CD48: variants seen among roughly 807,000 people sequenced by gnomAD.
The protein encoded by CD48 is CD48 molecule.
CD48 carries 20 observed loss-of-function variants against 22.0 expected under a neutral mutation model. The observed-to-expected ratio is 0.91, with a 90% CI of 0.64 to 1.32. CD48 has a LOEUF of 1.32. Ranked by LOEUF, CD48 falls within the 40% of genes most tolerant of loss-of-function variation. CD48 has a pLI of 0.00. For missense variants in CD48, 307 were observed against 286.5 expected (o/e 1.07, Z -0.52); for synonymous variants, 110 against 110.1 (o/e 1.00, Z 0.01).
chr1:160,709,674 G>C (rs352682), intron 1 of CD48, among the ~76,000 whole-genome samples: 151,860 of 152,332 alleles, frequency 1, 75,695 homozygotes, highest in Middle Eastern at 1. Context: ...GCTTCTCAAA[G>C]TTTTCCACAG....
chr1:160,698,906 A>T (rs1389125830), intron 1 of CD48: 2 of 152,616 alleles, frequency 1.3e-5, no homozygotes, highest in Admixed American at 6.6e-5. Flanking sequence ...AAGTACTATG[A>T]TTATAAATCT....
chr1:160,692,279 A>G (rs1409255783), intron 1 of CD48: 1 of 152,218 alleles, frequency 6.6e-6, no homozygotes, highest in Non-Finnish European at 1.5e-5. Context: ...GAAACTTTAC[A>G]TTGCGAATAT....
intron 1 of CD48, among the ~76,000 whole-genome samples, chr1:160,704,016 T>A (rs1662715985): frequency 1.3e-5 from 2 of 149,534 alleles, no homozygotes; most frequent in African/African-American, 2.5e-5. Flanking sequence ...TCTTGTCCTG[T>A]AAAAAAAAAA....
chr1:160,681,500 C>A, intron 2 of CD48, 32 bp from the exon 3 acceptor site: 1 of 1,604,710 alleles, frequency 6.2e-7, no homozygotes. Flanking sequence ...TAAGATGAGA[C>A]AGTGAGGCAT....
At chr1:160,684,363 T>G in intron 2 of CD48, 1 of 172,646 alleles carries the variant, frequency 5.8e-6, no homozygotes, top group East Asian at 1.6e-4. Flanking sequence ...CTGACCAGTT[T>G]TGAACCCAAG....
chr1:160,681,144 T>C, intron 3 of CD48, 58 bp downstream of exon 3: 1 of 1,613,446 alleles, frequency 6.2e-7, no homozygotes, highest in Non-Finnish European at 8.5e-7. Context: ...AGCCTTTCTT[T>C]GTTCAAAACA....
chr1:160,705,467 A>T (rs6677491), intron 1 of CD48, among the ~76,000 whole-genome samples: 5,331 of 152,160 alleles, frequency 0.035, 130 homozygotes, highest in African/African-American at 0.071. Context: ...GATGTTAGAG[A>T]AGACAGAGGC....
At chr1:160,681,835 T>C (rs1463147517) in intron 2 of CD48, among the ~76,000 whole-genome samples, 1 of 152,184 alleles carries the variant, frequency 6.6e-6, no homozygotes, top group Non-Finnish European at 1.5e-5. Context: ...GACCCTTCTC[T>C]AGCAACGGTT....
chr1:160,678,937 A>T lies in CD48; in HGVS notation c.*115T>A, dbSNP rs1214593421. ...GTTAACTTGAAAATCCTCGTTGATAATTCAGCAGCATGCTTCTGGTCAGCC... is the reference window on the plus strand; with the variant it reads ...GTTAACTTGAAAATCCTCGTTGATATTTCAGCAGCATGCTTCTGGTCAGCC... On this transcript the variant is annotated 3_prime_UTR_variant, in exon 4 of 4. Coordinates refer to ENST00000368046, the MANE Select transcript of CD48 (RefSeq NM_001778.4). 1.4e-5 allele frequency: 10 copies of T among 725,384 alleles called. No homozygotes were observed. In the East Asian group the frequency reaches 2.5e-4, roughly 18 times the overall value. The allele number at this position is 725,384 out of a possible 1,614,324, so 44.9% of individuals were successfully genotyped here.
At chr1:160,684,806 C>T (rs1484327419) in intron 2 of CD48, 81 bp downstream of exon 2, 7 of 1,613,834 alleles carry the variant, frequency 4.3e-6, no homozygotes, top group Admixed American at 3.3e-5. Flanking sequence ...CCGAGAGTGC[C>T]CCATGCCTCC....
chr1:160,710,984 A>G (rs2101631933), intron 1 of CD48, among the ~76,000 whole-genome samples: 1 of 152,314 alleles, frequency 6.6e-6, no homozygotes. Context: ...ATAAGAAGAG[A>G]GGTACTGGAT....
At chr1:160,703,403 C>T (rs375818893) in intron 1 of CD48, among the ~76,000 whole-genome samples, 49 of 152,122 alleles carry the variant, frequency 3.2e-4, no homozygotes, top group Non-Finnish European at 6.2e-4. Context: ...CGATGCAGAC[C>T]GGTTTAGGAC....
chr1:160,685,096 A>AT lies in CD48; in HGVS notation c.175_176insA (p.Phe59TyrfsTer17), dbSNP rs779427369. On this transcript the variant is annotated frameshift_variant, in exon 2 of 4. Coordinates refer to ENST00000368046, the MANE Select transcript of CD48 (RefSeq NM_001778.4). LOFTEE classifies it high-confidence loss of function. ...TACAATCTTCTGGTCGAAAGTATAA[A>AT]ACCAGGTTAGTTGTTTGTAGTTCTC... 6.2e-7 allele frequency: 1 copy of AT among 1,614,076 alleles called. No individual in the cohort carries two copies. The highest frequency in any genetic ancestry group is 8.5e-7 in the Non-Finnish European group (1 of 1,179,974).
At chr1:160,708,973 G>C (rs570220632) in intron 1 of CD48, among the ~76,000 whole-genome samples, 8 of 152,282 alleles carry the variant, frequency 5.3e-5, no homozygotes, top group African/African-American at 1.9e-4. Context: ...GCCTCCCTCT[G>C]TTCAGGCAGT....
At chr1:160,683,226 G>A (rs1661869523) in intron 2 of CD48, among the ~76,000 whole-genome samples, 1 of 152,176 alleles carries the variant, frequency 6.6e-6, no homozygotes, top group African/African-American at 2.4e-5. Context: ...ACAGCACTGG[G>A]CACTTTGCTG....
Position 160,711,675 on chromosome 1 carries a change from A to G in CD48, c.82+7T>C, listed in dbSNP as rs932774000. 6.2e-6 allele frequency: 10 copies of G among 1,606,876 alleles called. No individual in the cohort carries two copies. Among genetic ancestry groups the G allele is most frequent in the Non-Finnish European group, 6.8e-6 (8 of 1,173,522 alleles). On this transcript the variant is annotated splice_region_variant and intron_variant, in intron 1 of 3. Coordinates refer to ENST00000368046, the MANE Select transcript of CD48 (RefSeq NM_001778.4). ...ACAATCACAGATACACAGTTGGTGG[A>G]AAGTACCTTGAATGCTGGTCACCAG...
intron 1 of CD48, among the ~76,000 whole-genome samples, chr1:160,707,935 T>C (rs539988256): frequency 6.6e-6 from 1 of 152,270 alleles, no homozygotes; most frequent in East Asian, 1.9e-4. Context: ...AAGGGTGCAA[T>C]AGATAGATGT....
intron 1 of CD48, among the ~76,000 whole-genome samples, chr1:160,692,728 A>G (rs1485070920): frequency 6.6e-6 from 1 of 152,212 alleles, no homozygotes; most frequent in Non-Finnish European, 1.5e-5. Flanking sequence ...AGGCGTGGCA[A>G]TTCCCAGTAA....
chr1:160,684,856 G>C (rs1210091656), intron 2 of CD48, 31 bp downstream of exon 2: 2 of 1,613,914 alleles, frequency 1.2e-6, no homozygotes, highest in African/African-American at 1.3e-5. Flanking sequence ...CCACTGGAGT[G>C]GGGATTTGCT....
Sources: gnomAD v4.1 joint callset for allele counts (sites outside exome capture counted in the v4.1 genomes callset) on GRCh38, gnomAD v4.1.1 for gene constraint, MANE v1.5 for transcripts, NCBI Gene and HGNC (gene_info 2026-07-23, HGNC 2026-07-21) for gene names.